SLC2A9: variants seen among roughly 807,000 people sequenced by gnomAD.
SLC2A9 encodes solute carrier family 2 member 9, also known as solute carrier family 2, facilitated glucose transporter member 9.
SLC2A9 carries 39 observed loss-of-function variants against 50.6 expected under a neutral mutation model. That is an observed-to-expected ratio of 0.77 (90% CI 0.60 to 1.01). The LOEUF (loss-of-function observed/expected upper bound fraction) is 1.01. SLC2A9 is among the 50% of genes least tolerant of loss of function. The pLI is 0.00. For synonymous variants in SLC2A9, 324 were observed against 276.9 expected, an observed-to-expected ratio of 1.17 and a Z score of -1.69; for missense variants, 686 against 677.6, an observed-to-expected ratio of 1.01 and a Z score of -0.14.
chr4:9,949,021 C>T (rs1749713996), intron 5 of SLC2A9, among the ~76,000 whole-genome samples: 1 of 152,214 alleles, frequency 6.6e-6, no homozygotes, highest in Non-Finnish European at 1.5e-5. Flanking sequence ...GCAAAGGACG[C>T]TCCTAGGCCA....
At chr4:9,972,949 C>A (rs534960985) in intron 5 of SLC2A9, among the ~76,000 whole-genome samples, 1 of 152,044 alleles carries the variant, frequency 6.6e-6, no homozygotes, top group East Asian at 1.9e-4. Context: ...GCTATAAAAT[C>A]AGAACAGAAC....
At chr4:9,929,822 A>C (rs1485449751) in intron 6 of SLC2A9, among the ~76,000 whole-genome samples, 1 of 152,180 alleles carries the variant, frequency 6.6e-6, no homozygotes, top group Non-Finnish European at 1.5e-5. Flanking sequence ...GGTGGTTTAG[A>C]CAACAGACTT....
Position 9,908,222 on chromosome 4 carries a change from T to G in SLC2A9, c.1113+13A>C. On this transcript the variant is annotated intron_variant, in intron 8 of 11. Coordinates refer to ENST00000264784, the MANE Select transcript of SLC2A9 (RefSeq NM_020041.3). ...CCTGTGGCATTCTCAGGAGTAACCC[T>G]CAGTTGACTTACAGAGAAGACGGCA... 5 of 1,579,048 alleles carry G rather than the reference T, an allele frequency of 3.2e-6. No homozygotes were observed. Among genetic ancestry groups the G allele is most frequent in the Non-Finnish European group, 4.4e-6 (5 of 1,147,816 alleles).
intron 10 of SLC2A9, 109 bp from the exon 11 acceptor site, chr4:9,835,117 C>A (rs930026031): frequency 3.0e-5 from 46 of 1,519,530 alleles, no homozygotes; most frequent in Non-Finnish European, 4.0e-5. Flanking sequence ...TGCCCCTTGA[C>A]TGGATGTGTA....
intron 3 of SLC2A9, among the ~76,000 whole-genome samples, chr4:9,785,709 A>G (rs60502209): frequency 1.1e-3 from 169 of 152,342 alleles, no homozygotes; most frequent in African/African-American, 3.9e-3. Context: ...ATTGTTCTAG[A>G]TGCTGGGAAT....
chr4:9,881,094 T>A lies in SLC2A9; in HGVS notation c.1291+6473A>T, dbSNP rs543728843. On this transcript the variant is annotated intron_variant, in intron 10 of 11. Coordinates refer to ENST00000264784, the MANE Select transcript of SLC2A9 (RefSeq NM_020041.3). ...GTGGTTCCTGACGAGCACTTAGCTG[T>A]CATCAGATGAGGCCTGAATATCAAT... Among the ~76,000 whole-genome samples, 17 of 152,368 alleles carry A rather than the reference T, an allele frequency of 1.1e-4. No individual in the cohort carries two copies. In the East Asian group the frequency reaches 3.1e-3, roughly 28 times the overall value.
rs150582632 is a variant in SLC2A9 at position 9,832,719 on chromosome 4, C to A, written c.1419+2162G>T. ...AAAAAATTATCTAGGTTTGGAAGTG[C>A]AGTGACCTTGGAAGTTACTACATCT... On this transcript the variant is annotated intron_variant, in intron 11 of 11. Transcript: ENST00000264784. Among the ~76,000 whole-genome samples the A allele has an allele frequency of 3.8e-3, 586 of 152,336 alleles. 4 individuals carry two copies. The highest frequency in any genetic ancestry group is 0.013 in the African/African-American group (544 of 41,578).
chr4:9,992,121 A>C (rs754562419), intron 3 of SLC2A9, among the ~76,000 whole-genome samples: 10 of 152,184 alleles, frequency 6.6e-5, no homozygotes, highest in Non-Finnish European at 1.3e-4. Flanking sequence ...GTGCTCACCG[A>C]ACCTCCATCC....
chr4:9,849,431 G>A (rs1343649311), intron 10 of SLC2A9, among the ~76,000 whole-genome samples: 1 of 152,222 alleles, frequency 6.6e-6, no homozygotes, highest in East Asian at 1.9e-4. Flanking sequence ...GATCAGTCAT[G>A]AGACTTAGAT....
chr4:9,982,180 C>A (rs910694526), intron 4 of SLC2A9, among the ~76,000 whole-genome samples: 1 of 152,178 alleles, frequency 6.6e-6, no homozygotes. Context: ...GCGCCCGGAC[C>A]GGCTTTAAAT....
chr4:10,019,048 G>A lies in SLC2A9; in HGVS notation c.176C>T (p.Ala59Val). ...RKDWSCSLLV[A>V]SLAGAFGSSF... ...GGAGCCGAAGGCGCCCGCGAGGGAG[G>A]CCACGAGGAGCGAGCAGGACCAGTC... is the stretch of plus-strand genomic sequence containing the variant. The change falls in exon 2 of 12, where the codon GCC (alanine) becomes GTC (valine). Residue 59 changes from alanine (A) to valine (V), a missense_variant. Transcript: ENST00000264784. 1 of 1,551,130 alleles carries A rather than the reference G, an allele frequency of 6.4e-7. No homozygotes were observed. The highest frequency in any genetic ancestry group is 1.2e-5 in the South Asian group (1 of 84,034).
chr4:9,986,463 C>G (rs909986052), intron 3 of SLC2A9, among the ~76,000 whole-genome samples: 3 of 152,292 alleles, frequency 2.0e-5, no homozygotes, highest in African/African-American at 4.8e-5. Context: ...CCCCTATTGG[C>G]AAAGGACAAA....
rs114089773 is a variant in SLC2A9 at position 9,975,900 on chromosome 4, A to C, written c.681+4692T>G. Among the ~76,000 whole-genome samples, 1,439 of 152,368 alleles carry C rather than the reference A, an allele frequency of 9.4e-3. 27 individuals are homozygous for C. Among genetic ancestry groups the C allele is most frequent in the African/African-American group, 0.033 (1,388 of 41,586 alleles). ...AGAAAATGTGATACACATACACCGTAGAATACTATGCAGCCATGAGAAGAA... is the reference window on the plus strand; with the variant it reads ...AGAAAATGTGATACACATACACCGTCGAATACTATGCAGCCATGAGAAGAA... On this transcript the variant is annotated intron_variant, in intron 5 of 11. Coordinates refer to ENST00000264784, the MANE Select transcript of SLC2A9 (RefSeq NM_020041.3).
chr4:9,887,182 A>G (rs1248060660), intron 10 of SLC2A9, among the ~76,000 whole-genome samples: 2 of 152,250 alleles, frequency 1.3e-5, no homozygotes, highest in African/African-American at 4.8e-5. Context: ...TCAATGAACA[A>G]TATGTCTTAG....
intron 1 of SLC2A9, among the ~76,000 whole-genome samples, chr4:9,774,366 A>C (rs1560266537): frequency 6.6e-6 from 1 of 152,150 alleles, no homozygotes; most frequent in Non-Finnish European, 1.5e-5. Flanking sequence ...ATCCTTTCAC[A>C]CGTAAAGCTT....
chr4:10,028,804 C>A (rs1578389838), intron 1 of SLC2A9, among the ~76,000 whole-genome samples: 1 of 152,192 alleles, frequency 6.6e-6, no homozygotes, highest in African/African-American at 2.4e-5. Flanking sequence ...TGGATGGGCT[C>A]AGAGAAGCGG....
intron 10 of SLC2A9, among the ~76,000 whole-genome samples, chr4:9,858,380 T>C (rs1175966873): frequency 6.6e-6 from 1 of 152,202 alleles, no homozygotes; most frequent in African/African-American, 2.4e-5. Flanking sequence ...GGACTGATGT[T>C]TCCATGCATG....
At chr4:9,868,918 A>G (rs1732958834) in intron 10 of SLC2A9, among the ~76,000 whole-genome samples, 1 of 152,176 alleles carries the variant, frequency 6.6e-6, no homozygotes, top group Non-Finnish European at 1.5e-5. Context: ...CCCCAAAGGC[A>G]TGGGTTCTGA....
rs1748240872 is a variant in SLC2A9 at position 9,942,003 on chromosome 4, C to T, written c.724G>A (p.Ala242Thr). ...PYLFGVIVVPAVVQLLSLPFL... is the reference protein window; with the variant it reads ...PYLFGVIVVPTVVQLLSLPFL... ...GGAAGGCTCAGCAGCTGGACAACGG[C>T]AGGGACCACAATCACTCCAAACAGG... Residue 242 changes from alanine to threonine, a missense_variant, in exon 6 of 12, where the codon GCC (alanine) becomes ACC (threonine). By Grantham distance (58) the Ala-to-Thr change is moderately conservative (BLOSUM62 0). Coordinates refer to ENST00000264784, the MANE Select transcript of SLC2A9 (RefSeq NM_020041.3). 1.2e-6 allele frequency: 2 copies of T among 1,614,178 alleles called. No homozygotes were observed. Among genetic ancestry groups the T allele is most frequent in the Non-Finnish European group, 8.5e-7 (1 of 1,180,020 alleles).
Sources: allele counts gnomAD v4.1 joint callset (sites outside exome capture counted in the v4.1 genomes callset), GRCh38; gene constraint gnomAD v4.1.1; transcripts MANE v1.5; gene names NCBI Gene and HGNC (gene_info 2026-07-23, HGNC 2026-07-21).